The following CMYA5 variants were observed in gnomAD, a reference collection of about 807,000 sequenced individuals.
CMYA5 encodes the protein cardiomyopathy associated 5.
Under a neutral mutation model 318.9 loss-of-function variants are expected in CMYA5, and 246 were observed. That is an observed-to-expected ratio of 0.77 (90% CI 0.70 to 0.86). The LOEUF (loss-of-function observed/expected upper bound fraction) is 0.86. Ranked by LOEUF, CMYA5 falls within the 40% of genes least tolerant of loss-of-function variation. CMYA5 has a pLI of 0.00. For missense variants in CMYA5, 4,589 were observed against 4,678.2 expected, an observed-to-expected ratio of 0.98 and a Z score of 0.56; for synonymous variants, 1,641 against 1,729.5, an observed-to-expected ratio of 0.95 and a Z score of 1.27.
chr5:79,754,092 T>C (rs552571183), intron 6 of CMYA5, among the ~76,000 whole-genome samples: 2 of 152,364 alleles, frequency 1.3e-5, no homozygotes, highest in African/African-American at 4.8e-5. Context: ...GCGGTCCCTG[T>C]GGCTGGAAGC....
intron 6 of CMYA5, among the ~76,000 whole-genome samples, chr5:79,757,918 C>T (rs1225356495): frequency 1.3e-5 from 2 of 152,190 alleles, no homozygotes; most frequent in Non-Finnish European, 2.9e-5. Flanking sequence ...GAGGGATACA[C>T]ATTCAACAGT....
chr5:79,760,603 C>T (rs1409405568), intron 7 of CMYA5, among the ~76,000 whole-genome samples: 2 of 152,172 alleles, frequency 1.3e-5, no homozygotes, highest in Admixed American at 6.5e-5. Flanking sequence ...AAGTGCTACA[C>T]ACTTTCAAAC....
chr5:79,762,717 T>C, intron 8 of CMYA5: 1 of 198,644 alleles, frequency 5.0e-6, no homozygotes, highest in East Asian at 1.2e-4. Context: ...ATTGAGCACC[T>C]ACTGAGGACA....
chr5:79,793,776 G>T (rs1829224715), intron 12 of CMYA5, among the ~76,000 whole-genome samples, 166 bp downstream of exon 12: 1 of 152,162 alleles, frequency 6.6e-6, no homozygotes, highest in South Asian at 2.1e-4. Context: ...CTCTGACTCT[G>T]ATTACTGAGG....
rs898803657 is a variant in CMYA5, at chr5:79,739,552, G to T, written c.10638+149G>T. ...AAGCAAACTAAGAATATTTCTCCAA[G>T]AATTTAGTTAAGGTAGGCTTGACAG... On this transcript the variant is annotated intron_variant, in intron 2 of 12. Transcript: ENST00000446378. The T allele has an allele frequency of 2.0e-5, 14 of 683,156 alleles. No individual in the cohort carries two copies. In the African/African-American group the frequency reaches 2.4e-4, roughly 12 times the overall value. 42.3% of individuals were successfully genotyped at this position (683,156 alleles called of 1,614,324 possible). A position where few individuals can be genotyped will look rare whatever the true frequency, so the allele number is the denominator to read the frequency against.
In CMYA5 at chr5:79,735,599, A is replaced by C; in HGVS notation, c.6834A>C (p.Pro2278=). Residue 2278 remains proline, a synonymous_variant, in exon 2 of 13, where the codon CCA becomes CCC. Transcript: ENST00000446378. ...ILSNVEDLQQ[P]KFISEVSRED... is the part of the protein sequence containing the mutation. ...CAAATGTAGAAGATTTACAACAGCC[A>C]AAATTCATTTCTGAGGTGTCTAGGG... 1 of 1,613,568 alleles carries C rather than the reference A, an allele frequency of 6.2e-7. No homozygotes were observed. Among genetic ancestry groups the C allele is most frequent in the Non-Finnish European group, 8.5e-7 (1 of 1,179,728 alleles).
In CMYA5 at chr5:79,799,860, T is replaced by C. The variant is rs1296972621; in HGVS notation, c.*244T>C. 2 of 283,350 alleles carry C rather than the reference T, an allele frequency of 7.1e-6. No individual in the cohort carries two copies. Among genetic ancestry groups the C allele is most frequent in the Non-Finnish European group, 1.3e-5 (2 of 153,804 alleles). The allele number at this position is 283,350 out of a possible 1,614,324, so 17.6% of individuals were successfully genotyped here. ...CTTTAGTTTATATAAGTTTGAGTTC[T>C]TTCCTAAATTAAAAGATCTACACTT... On this transcript the variant is annotated 3_prime_UTR_variant, in exon 13 of 13. Transcript: ENST00000446378.
At position 79,765,212 on chromosome 5, in the gene CMYA5, G is replaced by A. The variant is rs887239009; in HGVS notation, c.11555+2003G>A. Reference sequence around the variant, plus strand: ...AGTTTCAATTGTCTGCTTATGGCTAGCCAGTTTTTCCAACACCATTTATTC... The same window carrying A: ...AGTTTCAATTGTCTGCTTATGGCTAACCAGTTTTTCCAACACCATTTATTC... On this transcript the variant is annotated intron_variant, in intron 9 of 12. Coordinates refer to ENST00000446378, the MANE Select transcript of CMYA5 (RefSeq NM_153610.5). 3.5e-4 allele frequency among the ~76,000 whole-genome samples: 54 copies of A among 152,288 alleles called. 2 individuals carry two copies. The highest frequency in any genetic ancestry group is 1.2e-3 in the African/African-American group (48 of 41,560).
chr5:79,730,665 G>T lies in CMYA5; in HGVS notation c.1900G>T (p.Glu634Ter), dbSNP rs965600004. The T allele has an allele frequency of 6.2e-7, 1 of 1,613,896 alleles. No homozygotes were observed. The highest frequency in any genetic ancestry group is 8.5e-7 in the Non-Finnish European group (1 of 1,179,894). ...IAEHAVLSEE[E>*]NEEFEAYSPA... ...TGAACATGCAGTTTTGTCAGAAGAA[G>T]AGAATGAGGAATTTGAGGCTTATTC... Residue 634 changes from glutamate to a stop codon, truncating the protein, a stop_gained, in exon 2 of 13, where the codon GAG becomes TAG. Transcript: ENST00000446378. LOFTEE classifies it high-confidence loss of function.
Position 79,729,925 on chromosome 5 carries a change from C to G in CMYA5, c.1160C>G (p.Ala387Gly). The G allele has an allele frequency of 1.2e-6, 2 of 1,613,738 alleles. No homozygotes were observed. Among genetic ancestry groups the G allele is most frequent in the Non-Finnish European group, 1.7e-6 (2 of 1,179,798 alleles). ...EPPSVTPDTPATMFLRTTKEE... is the reference protein window; with the variant it reads ...EPPSVTPDTPGTMFLRTTKEE... Reference sequence around the variant, plus strand: ...CCATCTGTGACACCCGACACACCTGCAACTATGTTCCTGAGAACAACAAAG... The same window carrying G: ...CCATCTGTGACACCCGACACACCTGGAACTATGTTCCTGAGAACAACAAAG... Residue 387 changes from alanine (A) to glycine (G), a missense_variant, in exon 2 of 13, where the codon GCA becomes GGA. Ala to Gly is a moderately conservative substitution (Grantham distance 60). Transcript: ENST00000446378.
In CMYA5 at chr5:79,791,713, CAAAAAA is replaced by C. The variant is rs61063837; in HGVS notation, c.11789+659_11789+664del. Among the ~76,000 whole-genome samples, 122 of 92,018 alleles carry C rather than the reference CAAAAAA, an allele frequency of 1.3e-3. 1 individual carries two copies. Among genetic ancestry groups the C allele is most frequent in the East Asian group, 8.0e-3 (35 of 4,382 alleles). 60.4% of individuals were successfully genotyped at this position (92,018 alleles called of 152,430 possible). On this transcript the variant is annotated intron_variant, in intron 11 of 12. Coordinates refer to ENST00000446378, the MANE Select transcript of CMYA5 (RefSeq NM_153610.5). ...CCAGCCTGGGAGTGAGACTCTGTCT[CAAAAAA>C]AAAAAAAAAAAAAAGGCATAGAAGA...
chr5:79,778,800 CCT>C (rs924459840), intron 9 of CMYA5, among the ~76,000 whole-genome samples: 12 of 85,012 alleles, frequency 1.4e-4, no homozygotes, highest in East Asian at 1.1e-3. Flanking sequence ...CGCCTGCCCC[CCT>C]CTCTCTTTCT....
chr5:79,723,456 A>G (rs995923307), intron 1 of CMYA5, among the ~76,000 whole-genome samples: 9 of 150,394 alleles, frequency 6.0e-5, no homozygotes, highest in Non-Finnish European at 3.0e-5. Flanking sequence ...AAAAAAAAAA[A>G]AAAGAAAAGA....
rs768130099 is a variant in CMYA5 at position 79,737,166 on chromosome 5, G to A, written c.8401G>A (p.Glu2801Lys). 1.2e-6 allele frequency: 2 copies of A among 1,612,678 alleles called. No homozygotes were observed. ...AAGGACTTTAGCTCGTCCTTTTGAT[G>A]AAACTAAGAGCTCAGAAACACCGCC... is the stretch of plus-strand genomic sequence containing the variant. ...SERTLARPFD[E>K]TKSSETPPYL... The change falls in exon 2 of 13, where the codon GAA becomes AAA. Residue 2801 changes from glutamate (E) to lysine (K), a missense_variant. Glu to Lys is a moderately conservative substitution (Grantham distance 56, BLOSUM62 1). Coordinates refer to ENST00000446378, the MANE Select transcript of CMYA5 (RefSeq NM_153610.5).
Position 79,734,886 on chromosome 5 carries a change from A to C in CMYA5, c.6121A>C (p.Lys2041Gln), listed in dbSNP as rs1458869583. Reference protein sequence around the residue: ...PSKEDSQEKIKLPPERFFQKP... With the variant: ...PSKEDSQEKIQLPPERFFQKP... ...CAAAGAAGATAGCCAGGAAAAAATTAAACTACCTCCTGAAAGATTCTTCCA... is the reference window on the plus strand; with the variant it reads ...CAAAGAAGATAGCCAGGAAAAAATTCAACTACCTCCTGAAAGATTCTTCCA... The change falls in exon 2 of 13, where the codon AAA becomes CAA. Residue 2041 changes from lysine to glutamine, a missense_variant. Transcript: ENST00000446378. 6.2e-7 allele frequency: 1 copy of C among 1,613,818 alleles called. No homozygotes were observed. Among genetic ancestry groups the C allele is most frequent in the South Asian group, 1.1e-5 (1 of 91,062 alleles).
chr5:79,795,430 A>C (rs897633225), intron 12 of CMYA5, among the ~76,000 whole-genome samples: 1 of 152,184 alleles, frequency 6.6e-6, no homozygotes, highest in African/African-American at 2.4e-5. Context: ...CGTGAAGATC[A>C]TCTCAGGAGA....
In CMYA5 at chr5:79,777,044, G is replaced by A. The variant is rs73125670; in HGVS notation, c.11556-11927G>A. Reference sequence around the variant, plus strand: ...CCTTTTTTTCCATCCCATACAAATTGCTGAATTATCAAATTCCTGGAGAAG... The same window carrying A: ...CCTTTTTTTCCATCCCATACAAATTACTGAATTATCAAATTCCTGGAGAAG... On this transcript the variant is annotated intron_variant, in intron 9 of 12. Transcript: ENST00000446378. 2.3e-3 allele frequency among the ~76,000 whole-genome samples: 345 copies of A among 152,178 alleles called. 2 individuals carry two copies. Among genetic ancestry groups the A allele is most frequent in the African/African-American group, 8.1e-3 (338 of 41,500 alleles).
At chr5:79,752,602 T>C (rs1325148961) in intron 5 of CMYA5, 74 bp from the exon 6 acceptor site, 20 of 1,098,080 alleles carry the variant, frequency 1.8e-5, no homozygotes, top group Non-Finnish European at 2.5e-5. Flanking sequence ...CAGCTTCATT[T>C]TGAACAATTT....
chr5:79,792,869 A>G lies in CMYA5; in HGVS notation c.11790-568A>G, dbSNP rs533168740. Among the ~76,000 whole-genome samples, 7 of 152,332 alleles carry G rather than the reference A, an allele frequency of 4.6e-5. 1 individual carries two copies. The highest frequency in any genetic ancestry group is 4.6e-4 in the Admixed American group (7 of 15,308). The stretch of plus-strand genomic sequence containing the variant: ...CCTACTACAGTTCAAAGAGGCCAGA[A>G]TCTTGCAGACTGTTGACCGCTAATT... On this transcript the variant is annotated intron_variant, in intron 11 of 12. Coordinates refer to ENST00000446378, the MANE Select transcript of CMYA5 (RefSeq NM_153610.5).
Sources: gnomAD v4.1 joint callset for allele counts (sites outside exome capture counted in the v4.1 genomes callset) on GRCh38, gnomAD v4.1.1 for gene constraint, MANE v1.5 for transcripts, NCBI Gene and HGNC (gene_info 2026-07-23, HGNC 2026-07-21) for gene names.